TBCE: variants seen among roughly 807,000 people sequenced by gnomAD.
TBCE encodes tubulin-specific chaperone E.
In TBCE, 53 loss-of-function variants were observed where a neutral mutation model predicts 77.0. The observed-to-expected ratio is 0.69, with a 90% CI of 0.55 to 0.87. TBCE has a LOEUF of 0.87. TBCE is among the 40% of genes least tolerant of loss of function. TBCE has a pLI of 0.00. For synonymous variants in TBCE, 235 were observed against 241.3 expected, an observed-to-expected ratio of 0.97 and a Z score of 0.24; for missense variants, 624 against 622.4, an observed-to-expected ratio of 1.00 and a Z score of -0.03.
intron 6 of TBCE, 82 bp downstream of exon 6, chr1:235,427,321 G>C (rs1478368489): frequency 8.9e-7 from 1 of 1,119,738 alleles, no homozygotes; most frequent in Non-Finnish European, 1.3e-6. Context: ...TGTGGAAAGA[G>C]GTAGGGAGCC....
intron 5 of TBCE, among the ~76,000 whole-genome samples, chr1:235,421,228 C>A (rs868815): frequency 1.1e-4 from 17 of 151,724 alleles, no homozygotes; most frequent in African/African-American, 3.9e-4. Context: ...GCAACATTGC[C>A]AGACCTTGTC....
At chr1:235,415,504 T>C (rs1287017694) in intron 4 of TBCE, 1 of 152,152 alleles carries the variant, frequency 6.6e-6, no homozygotes, top group African/African-American at 2.4e-5. Context: ...GGCATCTGGG[T>C]AAGGACCCCT....
intron 12 of TBCE, among the ~76,000 whole-genome samples, chr1:235,437,687 G>A (rs1009040906): frequency 6.6e-6 from 1 of 151,924 alleles, no homozygotes; most frequent in Non-Finnish European, 1.5e-5. Context: ...GCACGCGCCT[G>A]TAAGTGCTTG....
chr1:235,367,832 G>T (rs1676638036), intron 1 of TBCE, among the ~76,000 whole-genome samples: 2 of 152,230 alleles, frequency 1.3e-5, no homozygotes, highest in Non-Finnish European at 2.9e-5. Context: ...GAACAGCCTC[G>T]TCCTTCCGAA....
intron 3 of TBCE, among the ~76,000 whole-genome samples, chr1:235,407,757 G>A (rs546561548): frequency 1.6e-4 from 24 of 152,312 alleles, no homozygotes; most frequent in African/African-American, 5.3e-4. Flanking sequence ...CCAGTCACCC[G>A]TGTCCTTCCT....
chr1:235,405,715 A>G (rs1005102020), intron 3 of TBCE, among the ~76,000 whole-genome samples: 4 of 152,196 alleles, frequency 2.6e-5, no homozygotes, highest in African/African-American at 9.6e-5. Context: ...TAAACTAGTA[A>G]CATAGCCATT....
At chr1:235,405,887 T>G (rs977704555) in intron 3 of TBCE, among the ~76,000 whole-genome samples, 1 of 152,070 alleles carries the variant, frequency 6.6e-6, no homozygotes, top group African/African-American at 2.4e-5. Context: ...GGAGATAGGA[T>G]TTTTTCAGCT....
chr1:235,428,024 C>T (rs111506301), intron 6 of TBCE, among the ~76,000 whole-genome samples: 4,235 of 150,206 alleles, frequency 0.028, 87 homozygotes, highest in Middle Eastern at 0.047. Context: ...AGCAAGACTC[C>T]GTCAAAAAAA....
intron 6 of TBCE, among the ~76,000 whole-genome samples, chr1:235,427,581 C>T (rs1447658776): frequency 6.6e-6 from 1 of 152,130 alleles, no homozygotes; most frequent in Non-Finnish European, 1.5e-5. Context: ...CAGTAAGGAG[C>T]AGACAAGATG....
chr1:235,386,067 C>T (rs1472023903), intron 2 of TBCE, among the ~76,000 whole-genome samples: 17 of 152,096 alleles, frequency 1.1e-4, no homozygotes, highest in Non-Finnish European at 2.9e-5. Context: ...ATTTCTCCTT[C>T]ACTTATGAAG....
chr1:235,372,937 AAAAAAAAAG>A (rs1677064703), intron 1 of TBCE, among the ~76,000 whole-genome samples: 1 of 151,652 alleles, frequency 6.6e-6, no homozygotes, highest in African/African-American at 2.4e-5. Context: ...AAAAAAAAAA[AAAAAAAAAG>A]AGAGAAATTA....
chr1:235,383,483 T>C (rs1173325133), intron 2 of TBCE, among the ~76,000 whole-genome samples: 2 of 152,308 alleles, frequency 1.3e-5, no homozygotes, highest in South Asian at 4.1e-4. Flanking sequence ...GTATCCTCTT[T>C]TATTTCATTG....
chr1:235,431,228 AC>A (rs1681064817), intron 7 of TBCE, among the ~76,000 whole-genome samples: 2 of 152,170 alleles, frequency 1.3e-5, no homozygotes, highest in South Asian at 4.1e-4. Context: ...CTTGGAATCC[AC>A]TGTTCATTTT....
intron 11 of TBCE, among the ~76,000 whole-genome samples, chr1:235,436,965 A>AC (rs1681490704): frequency 1.3e-5 from 2 of 152,068 alleles, no homozygotes; most frequent in South Asian, 4.2e-4. Flanking sequence ...CTAAAAAAAA[A>AC]AAAAAATCGC....
chr1:235,415,528 A>G (rs1256448682), intron 4 of TBCE: 1 of 152,192 alleles, frequency 6.6e-6, no homozygotes, highest in African/African-American at 2.4e-5. Flanking sequence ...GGCCACTGTG[A>G]GGATAAATTT....
chr1:235,448,761 G>C lies in TBCE; in HGVS notation c.1583G>C (p.Ter528SerextTer7). 6.2e-7 allele frequency: 1 copy of C among 1,605,508 alleles called. No homozygotes were observed. Among genetic ancestry groups the C allele is most frequent in the East Asian group, 2.2e-5 (1 of 44,840 alleles). ...GGAGATTGTCTATTAGTGCGATGGT[G>C]ACAACCAACTAATAAAATTTAAAGA... is the stretch of plus-strand genomic sequence containing the variant. ...ENGDCLLVRW* is the reference protein window; with the variant it reads ...ENGDCLLVRWS The change falls in exon 17 of 17, where the codon TGA becomes TCA. Residue 528 changes from the stop codon to serine, a stop_lost. Transcript: ENST00000642610.
intron 2 of TBCE, among the ~76,000 whole-genome samples, chr1:235,398,403 C>G (rs560302522): frequency 3.9e-5 from 6 of 151,986 alleles, no homozygotes; most frequent in Admixed American, 1.3e-4. Flanking sequence ...GACTTGGCCT[C>G]CATAAGTGCT....
rs1342824274 is a variant in TBCE at position 235,451,928 on chromosome 1, C to T, written c.*3166C>T. On this transcript the variant is annotated 3_prime_UTR_variant, in exon 17 of 17. Transcript: ENST00000642610. ...AGCAATACTGTGTTTTAAATGATGTCTTATATTTCATGCAGTGTCTTATTT... is the reference window on the plus strand; with the variant it reads ...AGCAATACTGTGTTTTAAATGATGTTTTATATTTCATGCAGTGTCTTATTT... 6.6e-6 allele frequency: 1 copy of T among 152,110 alleles called. No individual in the cohort carries two copies. The allele number at this position is 152,110 out of a possible 1,614,324, so 9.4% of individuals were successfully genotyped here.
chr1:235,427,056 G>A (rs766299821), intron 5 of TBCE, 84 bp from the exon 6 acceptor site: 9 of 948,288 alleles, frequency 9.5e-6, no homozygotes, highest in African/African-American at 1.6e-5. Context: ...AAGTTAAAAC[G>A]CTCATGCTCT....
Sources: allele counts gnomAD v4.1 joint callset (sites outside exome capture counted in the v4.1 genomes callset), GRCh38; gene constraint gnomAD v4.1.1; transcripts MANE v1.5; gene names NCBI Gene and HGNC (gene_info 2026-07-23, HGNC 2026-07-21).